CTNNA3: variants seen among roughly 807,000 people sequenced by gnomAD.
CTNNA3 encodes catenin alpha 3, also known as catenin alpha-3.
CTNNA3 carries 76 observed loss-of-function variants against 95.7 expected under a neutral mutation model. The observed-to-expected ratio is 0.79, with a 90% CI of 0.66 to 0.96. The LOEUF is 0.96. Among genes scored for constraint, CTNNA3 ranks in the 40% least tolerant of loss-of-function variants. The pLI, the probability that CTNNA3 is intolerant of heterozygous loss-of-function variation, is 0.00. For missense variants in CTNNA3, 1,191 were observed against 1,089.8 expected, an observed-to-expected ratio of 1.09 and a Z score of -1.31; for synonymous variants, 431 against 374.4, an observed-to-expected ratio of 1.15 and a Z score of -1.74.
intron 16 of CTNNA3, among the ~76,000 whole-genome samples, chr10:65,979,896 T>A (rs1564555025): frequency 2.0e-5 from 3 of 152,008 alleles, no homozygotes; most frequent in South Asian, 2.1e-4. Flanking sequence ...TTTTATAAAG[T>A]AGGAGTTCAT....
At chr10:67,020,137 G>A (rs778692064) in intron 7 of CTNNA3, among the ~76,000 whole-genome samples, 2 of 152,050 alleles carry the variant, frequency 1.3e-5, no homozygotes, top group Non-Finnish European at 2.9e-5. Flanking sequence ...ATCAATGAAT[G>A]GACAGAATTA....
chr10:67,345,018 T>C (rs915597920), intron 5 of CTNNA3, among the ~76,000 whole-genome samples: 3 of 152,046 alleles, frequency 2.0e-5, no homozygotes, highest in Non-Finnish European at 4.4e-5. Context: ...TTTACTGCAT[T>C]CCACAGGTTT....
At chr10:67,043,434 T>TA (rs1285636503) in intron 7 of CTNNA3, among the ~76,000 whole-genome samples, 3 of 152,236 alleles carry the variant, frequency 2.0e-5, no homozygotes, top group South Asian at 4.1e-4. Flanking sequence ...AGAAATGATC[T>TA]AAAAAAATCT....
intron 15 of CTNNA3, among the ~76,000 whole-genome samples, chr10:66,068,520 C>G: frequency 6.6e-6 from 1 of 152,120 alleles, no homozygotes; most frequent in East Asian, 1.9e-4. Flanking sequence ...TATTTCATTA[C>G]TCCACCTGAA....
intron 7 of CTNNA3, among the ~76,000 whole-genome samples, chr10:66,970,502 T>TCGG (rs1554888635): frequency 7.2e-6 from 1 of 138,522 alleles, no homozygotes; most frequent in African/African-American, 2.6e-5. Flanking sequence ...TATTCTTGGG[T>TCGG]GGGGGGGGGA....
intron 5 of CTNNA3, among the ~76,000 whole-genome samples, chr10:67,509,033 CG>C (rs1390346651): frequency 1.3e-5 from 2 of 151,872 alleles, no homozygotes; most frequent in Non-Finnish European, 2.9e-5. Context: ...CCTGCCACCA[CG>C]CCTGCTAATT....
At position 67,407,458 on chromosome 10, in the gene CTNNA3, TA is replaced by T. The variant is rs562812408; in HGVS notation, c.579+114383del. 1.1e-4 allele frequency among the ~76,000 whole-genome samples: 16 copies of T among 151,412 alleles called. No homozygotes were observed. The South Asian group carries it at 3.3e-3, about 32-fold the overall frequency. ...CCATATATGAGAAACCCACAGCCAA[TA>T]TACTGAATGGGCAAAAGCTGGAAGC... On this transcript the variant is annotated intron_variant, in intron 5 of 17. Coordinates refer to ENST00000433211, the MANE Select transcript of CTNNA3 (RefSeq NM_013266.4).
upstream of CTNNA3, among the ~76,000 whole-genome samples, chr10:67,697,372 A>C (rs907883567): frequency 6.6e-6 from 1 of 152,218 alleles, no homozygotes; most frequent in African/African-American, 2.4e-5. Context: ...ATCACTTGAC[A>C]CTTGCAAAAT....
At chr10:67,239,261 C>G (rs1290325043) in intron 5 of CTNNA3, among the ~76,000 whole-genome samples, 1 of 151,510 alleles carries the variant, frequency 6.6e-6, no homozygotes, top group Non-Finnish European at 1.5e-5. Flanking sequence ...CTATGTCCAT[C>G]TAAAGACACA....
chr10:67,745,605 A>G (rs1476435063), intron 1 of CTNNA3, among the ~76,000 whole-genome samples: 1 of 152,012 alleles, frequency 6.6e-6, no homozygotes, highest in East Asian at 1.9e-4. Context: ...GCACATATAT[A>G]CATATGTAAC....
chr10:67,404,613 G>A (rs923553471), intron 5 of CTNNA3, among the ~76,000 whole-genome samples: 1 of 151,982 alleles, frequency 6.6e-6, no homozygotes, highest in African/African-American at 2.4e-5. Flanking sequence ...AGGAGAATGG[G>A]ACCATTTTGG....
chr10:67,176,864 C>T, intron 7 of CTNNA3: 1 of 463,068 alleles, frequency 2.2e-6, no homozygotes, highest in South Asian at 1.5e-5. Flanking sequence ...AGGGTGACCT[C>T]TAGAAACTGG....
intron 12 of CTNNA3, among the ~76,000 whole-genome samples, chr10:66,286,983 T>C (rs2091599186): frequency 6.6e-6 from 1 of 152,100 alleles, no homozygotes; most frequent in Non-Finnish European, 1.5e-5. Context: ...TATGATAACT[T>C]AATACCTTCA....
intron 7 of CTNNA3, among the ~76,000 whole-genome samples, chr10:66,907,815 G>T (rs1418986933): frequency 6.6e-6 from 1 of 152,126 alleles, no homozygotes; most frequent in Non-Finnish European, 1.5e-5. Context: ...TCAAGCTGAT[G>T]AAATAAGGTA....
intron 12 of CTNNA3, among the ~76,000 whole-genome samples, chr10:66,327,734 A>G (rs2092273239): frequency 6.6e-6 from 1 of 152,046 alleles, no homozygotes; most frequent in African/African-American, 2.4e-5. Context: ...ATTTAGAAAG[A>G]GAGTGTGAAA....
At chr10:67,399,596 G>A (rs1844843461) in intron 5 of CTNNA3, among the ~76,000 whole-genome samples, 1 of 152,054 alleles carries the variant, frequency 6.6e-6, no homozygotes, top group African/African-American at 2.4e-5. Context: ...TTTCCAGGTA[G>A]AACACCCTCC....
intron 5 of CTNNA3, among the ~76,000 whole-genome samples, chr10:67,456,778 T>G (rs1847188761): frequency 6.6e-6 from 1 of 152,136 alleles, no homozygotes; most frequent in Non-Finnish European, 1.5e-5. Context: ...AATGACAAAA[T>G]TCTTATAAAG....
At chr10:66,863,860 C>A (rs1439875700) in intron 7 of CTNNA3, among the ~76,000 whole-genome samples, 1 of 151,992 alleles carries the variant, frequency 6.6e-6, no homozygotes, top group Admixed American at 6.6e-5. Flanking sequence ...GGGGTCATCT[C>A]ACATAGTTGG....
intron 15 of CTNNA3, among the ~76,000 whole-genome samples, chr10:66,049,898 A>G (rs2079911130): frequency 6.6e-6 from 1 of 152,156 alleles, no homozygotes; most frequent in Admixed American, 6.6e-5. Context: ...GTGTAAATGT[A>G]TTTGCCTATG....
Sources: gnomAD v4.1 joint callset for allele counts (sites outside exome capture counted in the v4.1 genomes callset) on GRCh38, gnomAD v4.1.1 for gene constraint, MANE v1.5 for transcripts, NCBI Gene and HGNC (gene_info 2026-07-23, HGNC 2026-07-21) for gene names.